The following C4orf50 variants were observed in gnomAD, a reference collection of about 807,000 sequenced individuals.
The protein encoded by C4orf50 is uncharacterized protein C4orf50.
C4orf50 carries 80 observed loss-of-function variants against 77.2 expected under a neutral mutation model. The observed-to-expected ratio is 1.04, with a 90% CI of 0.87 to 1.25. C4orf50 has a LOEUF of 1.25. Ranked by LOEUF, C4orf50 falls within the 50% of genes most tolerant of loss-of-function variation. The pLI, the probability that C4orf50 is intolerant of heterozygous loss-of-function variation, is 0.00. For synonymous variants in C4orf50, 532 were observed against 465.3 expected (o/e 1.14, Z -1.84); for missense variants, 1,257 against 1,152.9 (o/e 1.09, Z -1.31).
intron 28 of C4orf50, among the ~76,000 whole-genome samples, chr4:5,986,227 G>A (rs1414530842): frequency 6.6e-6 from 1 of 152,082 alleles, no homozygotes; most frequent in Non-Finnish European, 1.5e-5. Flanking sequence ...ATATACTGTT[G>A]GCCATAGACC....
At chr4:5,937,329 C>T (rs572796751) in intron 7 of C4orf50, among the ~76,000 whole-genome samples, 86 of 151,936 alleles carry the variant, frequency 5.7e-4, no homozygotes, top group Non-Finnish European at 2.5e-4. Flanking sequence ...ATTCTCTGTG[C>T]GTGAGGAAGT....
At position 5,958,911 on chromosome 4, in the gene C4orf50, C is replaced by A. The variant is rs1272047124; in HGVS notation, c.*464G>T. ...GAGATCCGTCCTGGACTCTCGACCTCAGCACTGGCGACCCTCGGGCTGTAA... is the reference window on the plus strand; with the variant it reads ...GAGATCCGTCCTGGACTCTCGACCTAAGCACTGGCGACCCTCGGGCTGTAA... On this transcript the variant is annotated 3_prime_UTR_variant, in exon 34 of 34. Transcript: ENST00000531445. The surrounding 1 kb of genome is among the most constrained non-coding windows in gnomAD (Gnocchi z 5.4). The A allele has an allele frequency of 6.1e-6, 1 of 162,850 alleles. No homozygotes were observed. The highest frequency in any genetic ancestry group is 2.4e-5 in the African/African-American group (1 of 41,742). 10.1% of individuals were successfully genotyped at this position (162,850 alleles called of 1,614,324 possible). A position where few individuals can be genotyped will look rare whatever the true frequency, so the allele number is the denominator to read the frequency against.
intron 7 of C4orf50, among the ~76,000 whole-genome samples, chr4:5,923,819 G>A (rs1577892480): frequency 6.6e-6 from 1 of 152,326 alleles, no homozygotes; most frequent in East Asian, 1.9e-4. Context: ...TGAGGGTGTT[G>A]CCAAAGGAGA....
intron 7 of C4orf50, among the ~76,000 whole-genome samples, chr4:5,921,422 T>A (rs1025838164): frequency 2.6e-5 from 4 of 152,172 alleles, no homozygotes; most frequent in African/African-American, 7.2e-5. Context: ...CGTGTCTGCA[T>A]ATGTAGACGG....
intron 7 of C4orf50, among the ~76,000 whole-genome samples, chr4:5,915,937 T>C (rs1445108253): frequency 6.6e-6 from 1 of 152,198 alleles, no homozygotes; most frequent in Non-Finnish European, 1.5e-5. Context: ...CCTAGAACCA[T>C]AGATTTCACT....
chr4:5,949,398 G>A (rs1718627065), intron 7 of C4orf50, among the ~76,000 whole-genome samples: 2 of 152,204 alleles, frequency 1.3e-5, no homozygotes, highest in Admixed American at 6.5e-5. Flanking sequence ...CAACACGGAT[G>A]AACCTCAAAG....
At chr4:5,899,355 G>A (rs1218829625) in intron 7 of C4orf50, 1 of 152,230 alleles carries the variant, frequency 6.6e-6, no homozygotes, top group African/African-American at 2.4e-5. Flanking sequence ...TTCATTTAGT[G>A]TGTCATTTAC....
intron 28 of C4orf50, among the ~76,000 whole-genome samples, chr4:5,984,699 G>T (rs931246795): frequency 1.3e-4 from 20 of 151,986 alleles, no homozygotes; most frequent in Non-Finnish European, 2.5e-4. Flanking sequence ...ACTGATACAG[G>T]ATTTTTGAAA....
rs1050641303 is a variant in C4orf50, at chr4:6,000,389, G to C, written c.964-5913C>G. ...CAGGCTGCATTCAACCTGAGAGCTGGTGGCTGGCTAGCTCTTCACATTTCC... is the reference window on the plus strand; with the variant it reads ...CAGGCTGCATTCAACCTGAGAGCTGCTGGCTGGCTAGCTCTTCACATTTCC... On this transcript the variant is annotated intron_variant, in intron 25 of 33. Coordinates refer to ENST00000531445, the Ensembl canonical transcript of C4orf50. The surrounding 1 kb of genome is among the most constrained non-coding windows in gnomAD (Gnocchi z 6.0). Among the ~76,000 whole-genome samples the C allele has an allele frequency of 5.9e-5, 9 of 152,134 alleles. No individual in the cohort carries two copies. Among genetic ancestry groups the C allele is most frequent in the African/African-American group, 2.2e-4 (9 of 41,422 alleles).
Position 5,908,278 on chromosome 4 carries a change from A to C in C4orf50, c.*2475-10090T>G, listed in dbSNP as rs1037511746. ...TGGGTTACAAAGTAACAGTGTACTA[A>C]AGAGAGTCAGATGAAGGATCCATTT... On this transcript the variant is annotated intron_variant, in intron 7 of 7. Coordinates refer to the C4orf50 transcript ENST00000324058. This position sits in a 1 kb window ranked among gnomAD's most constrained non-coding sequence, Gnocchi z 5.6. 8.5e-5 allele frequency among the ~76,000 whole-genome samples: 13 copies of C among 152,114 alleles called. No individual in the cohort carries two copies. The highest frequency in any genetic ancestry group is 3.1e-4 in the African/African-American group (13 of 41,416).
At chr4:5,952,852 T>C (rs1718790187), downstream of C4orf50, among the ~76,000 whole-genome samples, 1 of 152,140 alleles carries the variant, frequency 6.6e-6, no homozygotes, top group Non-Finnish European at 1.5e-5. The surrounding 1 kb of genome is among the most constrained non-coding windows in gnomAD (Gnocchi z 4.4). Flanking sequence ...AACGACTCGT[T>C]TTGGCACCGG....
downstream of C4orf50, among the ~76,000 whole-genome samples, chr4:5,956,500 G>A (rs1025995523): frequency 2.6e-5 from 4 of 152,180 alleles, no homozygotes; most frequent in African/African-American, 9.7e-5. Context: ...ACAAGTGCTC[G>A]GAGAAGCATC....
At chr4:6,004,225 T>C (rs982427512) in intron 25 of C4orf50, among the ~76,000 whole-genome samples, 1 of 33,290 alleles carries the variant, frequency 3.0e-5, no homozygotes, top group African/African-American at 1.1e-4. Flanking sequence ...ATGGTGATGA[T>C]GTGATGGTGA....
chr4:6,008,484 A>ACCGCCGCAGCCG lies in C4orf50; in HGVS notation c.463_474dup (p.Arg155_Arg158dup). ...TCCTTGCGCCGCAACCGCTCCTGCA[A>ACCGCCGCAGCCG]CCGCCGCAGCCGCCACTGCTGCCGC... On this transcript the variant is annotated inframe_insertion, in exon 25 of 34. Transcript: ENST00000531445. The surrounding 1 kb of genome is among the most constrained non-coding windows in gnomAD (Gnocchi z 6.0). 2.5e-6 allele frequency: 1 copy of ACCGCCGCAGCCG among 397,686 alleles called. No individual in the cohort carries two copies. The highest frequency in any genetic ancestry group is 4.4e-6 in the Non-Finnish European group (1 of 225,522). The allele number at this position is 397,686 out of a possible 1,614,324, so 24.6% of individuals were successfully genotyped here. A position where few individuals can be genotyped will look rare whatever the true frequency, so the allele number is the denominator to read the frequency against.
chr4:5,990,054 C>G, exon 28 of C4orf50: 1 of 1,351,818 alleles, frequency 7.4e-7, no homozygotes, highest in Non-Finnish European at 9.5e-7. Flanking sequence ...GTGCCACTTC[C>G]TCATTCTCTG....
exon 31 of C4orf50, chr4:5,973,755 C>T (rs765950539): frequency 5.6e-6 from 9 of 1,613,984 alleles, no homozygotes; most frequent in Middle Eastern, 1.7e-4. Flanking sequence ...GGAGGTTCCC[C>T]AGCCCATGTC....
intron 25 of C4orf50, among the ~76,000 whole-genome samples, chr4:6,004,875 A>C (rs896652530): frequency 3.0e-4 from 41 of 137,140 alleles, no homozygotes; most frequent in Non-Finnish European, 6.3e-5. Flanking sequence ...CTGACAGTGA[A>C]AGAAGCTAGA....
At chr4:5,948,128 G>A (rs1035795921) in intron 7 of C4orf50, among the ~76,000 whole-genome samples, 3 of 152,216 alleles carry the variant, frequency 2.0e-5, no homozygotes, top group Non-Finnish European at 4.4e-5. Context: ...CCCAGCAAGA[G>A]GCACAGAGCA....
rs1451284838 is a variant in C4orf50 at position 5,919,178 on chromosome 4, C to T, written c.*2475-20990G>A. Among the ~76,000 whole-genome samples the T allele has an allele frequency of 1.3e-5, 2 of 152,164 alleles. No homozygotes were observed. Among genetic ancestry groups the T allele is most frequent in the Non-Finnish European group, 2.9e-5 (2 of 68,022 alleles). ...CAACGTCAGATCGCAGGACTCCTCTCTCATTCAGGGCCCCTGGCTGTGCCA... is the reference window on the plus strand; with the variant it reads ...CAACGTCAGATCGCAGGACTCCTCTTTCATTCAGGGCCCCTGGCTGTGCCA... On this transcript the variant is annotated intron_variant, in intron 7 of 7. Coordinates refer to the C4orf50 transcript ENST00000324058. The surrounding 1 kb of genome is among the most constrained non-coding windows in gnomAD (Gnocchi z 6.5).
Sources: allele counts gnomAD v4.1 joint callset (sites outside exome capture counted in the v4.1 genomes callset), GRCh38; gene constraint gnomAD v4.1.1; non-coding constraint Gnocchi (gnomAD v3.1); transcripts MANE v1.5; gene names NCBI Gene and HGNC (gene_info 2026-07-23, HGNC 2026-07-21).